Variants in PCDHGB5 observed in about 807,000 individuals in gnomAD.
PCDHGB5 encodes the protein protocadherin gamma subfamily B, 5, also known as protocadherin gamma-B5.
In PCDHGB5, 48 loss-of-function variants were observed where a neutral mutation model predicts 62.9. The ratio of observed to expected loss-of-function variants is 0.76; its 90% confidence interval spans 0.61 to 0.97. The LOEUF (loss-of-function observed/expected upper bound fraction) is 0.97, where lower values mean the gene tolerates loss of function less well. Among genes scored for constraint, PCDHGB5 ranks in the 50% least tolerant of loss-of-function variants. The pLI, the probability that PCDHGB5 is intolerant of heterozygous loss-of-function variation, is 0.00. For synonymous variants in PCDHGB5, 474 were observed against 511.2 expected (o/e 0.93, Z 0.98); for missense variants, 1,118 against 1,198.6 (o/e 0.93, Z 0.99).
intron 1 of PCDHGB5, chr5:141,423,696 T>A: frequency 4.0e-6 from 6 of 1,492,822 alleles, no homozygotes; most frequent in Non-Finnish European, 5.3e-6. Flanking sequence ...ATTGTTGGTG[T>A]CTTGGCACAA....
chr5:141,454,779 A>G (rs1387404898), intron 1 of PCDHGB5, among the ~76,000 whole-genome samples: 2 of 146,092 alleles, frequency 1.4e-5, no homozygotes, highest in African/African-American at 2.6e-5. Context: ...ACAAGGAAAT[A>G]ATCCTCCATG....
At chr5:141,427,426 C>G (rs569185252) in intron 1 of PCDHGB5, 1 of 469,896 alleles carries the variant, frequency 2.1e-6, no homozygotes, top group Admixed American at 2.3e-5. Flanking sequence ...GGGGAGGTTA[C>G]ATGCCTCATA....
chr5:141,419,884 C>A lies in PCDHGB5; in HGVS notation c.2397+19360C>A. 1 of 1,614,088 alleles carries A rather than the reference C, an allele frequency of 6.2e-7. No individual in the cohort carries two copies. The highest frequency in any genetic ancestry group is 8.5e-7 in the Non-Finnish European group (1 of 1,179,896). On this transcript the variant is annotated intron_variant, in intron 1 of 3. Transcript: ENST00000617380. ...GCTTGCAAGAGGTACTGCCGGATTT[C>A]AGCGACCATCCCACACCCTCTGACT... is the stretch of plus-strand genomic sequence containing the variant.
Position 141,489,941 on chromosome 5 carries a change from A to G in PCDHGB5, c.2398-4866A>G. Reference sequence around the variant, plus strand: ...ACCCTTATCTCTGTCATCGTGCTGGACATCAATGATAATGCTCCAACCTTC... The same window carrying G: ...ACCCTTATCTCTGTCATCGTGCTGGGCATCAATGATAATGCTCCAACCTTC... On this transcript the variant is annotated intron_variant, in intron 1 of 3. Transcript: ENST00000617380. The surrounding 1 kb of genome is among the most constrained non-coding windows in gnomAD (Gnocchi z 4.5). 1.2e-6 allele frequency: 2 copies of G among 1,614,228 alleles called. No homozygotes were observed. The highest frequency in any genetic ancestry group is 1.7e-6 in the Non-Finnish European group (2 of 1,180,034).
chr5:141,477,630 T>G lies in PCDHGB5; in HGVS notation c.2398-17177T>G. The G allele has an allele frequency of 6.2e-7, 1 of 1,614,228 alleles. No homozygotes were observed. The highest frequency in any genetic ancestry group is 8.5e-7 in the Non-Finnish European group (1 of 1,180,042). ...TTGGAGCAAGGAGCTGAAACCGGGC[T>G]AGTGGGTCGCTATTTCACAATAAAT... On this transcript the variant is annotated intron_variant, in intron 1 of 3. Coordinates refer to ENST00000617380, the MANE Select transcript of PCDHGB5 (RefSeq NM_018925.3). The surrounding 1 kb of genome is among the most constrained non-coding windows in gnomAD (Gnocchi z 4.9).
chr5:141,408,300 T>C lies in PCDHGB5; in HGVS notation c.2397+7776T>C. On this transcript the variant is annotated intron_variant, in intron 1 of 3. Coordinates refer to ENST00000617380, the MANE Select transcript of PCDHGB5 (RefSeq NM_018925.3). ...TTCTACCCCACCCTGAGTGAGCCGATCCGCTACTCGATTCCGGAGGAGCTG... is the reference window on the plus strand; with the variant it reads ...TTCTACCCCACCCTGAGTGAGCCGACCCGCTACTCGATTCCGGAGGAGCTG... The C allele has an allele frequency of 1.2e-6, 2 of 1,613,732 alleles. No homozygotes were observed. The highest frequency in any genetic ancestry group is 1.7e-6 in the Non-Finnish European group (2 of 1,179,694).
At chr5:141,419,781 G>C (rs1331740421) in intron 1 of PCDHGB5, 1 of 1,614,032 alleles carries the variant, frequency 6.2e-7, no homozygotes. Context: ...GTCCGCCAGC[G>C]CCTGCTAGTC....
chr5:141,510,837 GTCAAGGCCCAGGGTGC>G, intron 3 of PCDHGB5, 94 bp from the exon 4 acceptor site: 1 of 1,586,392 alleles, frequency 6.3e-7, no homozygotes, highest in Non-Finnish European at 8.6e-7. Flanking sequence ...GCTCAGCGTG[GTCAAGGCCCAGGGTGC>G]TGTATAGGCA....
intron 1 of PCDHGB5, chr5:141,410,320 C>A (rs752279818): frequency 6.2e-7 from 1 of 1,613,998 alleles, no homozygotes; most frequent in Non-Finnish European, 8.5e-7. Context: ...TCCTCCTCGC[C>A]GTGATTCTGG....
At position 141,432,643 on chromosome 5, in the gene PCDHGB5, G is replaced by A. The variant is rs2097523971; in HGVS notation, c.2397+32119G>A. 15 of 1,613,754 alleles carry A rather than the reference G, an allele frequency of 9.3e-6. No homozygotes were observed. Among genetic ancestry groups the A allele is most frequent in the East Asian group, 4.5e-5 (2 of 44,860 alleles). ...GTCTGCACACGGGCGAGGTGCGCAC[G>A]GCGCGAGCCCTGCTGGACAGAGACG... On this transcript the variant is annotated intron_variant, in intron 1 of 3. Coordinates refer to ENST00000617380, the MANE Select transcript of PCDHGB5 (RefSeq NM_018925.3). This position sits in a 1 kb window ranked among gnomAD's most constrained non-coding sequence, Gnocchi z 6.0.
chr5:141,421,195 G>C (rs1305388921), intron 1 of PCDHGB5: 2 of 1,504,878 alleles, frequency 1.3e-6, no homozygotes, highest in Non-Finnish European at 1.8e-6. Context: ...CAACCAGCTC[G>C]AGAAACCGCG....
At chr5:141,413,993 G>A (rs756042576) in intron 1 of PCDHGB5, 2 of 1,613,486 alleles carry the variant, frequency 1.2e-6, no homozygotes, top group Non-Finnish European at 1.7e-6. Context: ...GCCACCGACA[G>A]GGACGAAGGT....
rs1589316075 is a variant in PCDHGB5, at chr5:141,398,010, G to GAATTT, written c.-118_-117insAATTT. 8 of 1,407,812 alleles carry GAATTT rather than the reference G, an allele frequency of 5.7e-6. 1 individual carries two copies. The East Asian group carries it at 1.5e-4, about 27-fold the overall frequency. 87.2% of individuals were successfully genotyped at this position (1,407,812 alleles called of 1,614,324 possible). Reference sequence around the variant, plus strand: ...CCGCTTCCTCCTCGGAAAAAGAATCGTTTCCTAAACTGGAACTGGAACTAA... The same window carrying GAATTT: ...CCGCTTCCTCCTCGGAAAAAGAATCGAATTTTTTCCTAAACTGGAACTGGAACTAA... On this transcript the variant is annotated 5_prime_UTR_variant, in exon 1 of 4. Transcript: ENST00000617380.
At chr5:141,451,018 C>T (rs1307161489) in intron 1 of PCDHGB5, among the ~76,000 whole-genome samples, 7 of 151,264 alleles carry the variant, frequency 4.6e-5, no homozygotes, top group African/African-American at 1.5e-4. Flanking sequence ...TTAGTAGAGA[C>T]GAGGTTTCAC....
In PCDHGB5 at chr5:141,485,013, C is replaced by A. The variant is rs551059588; in HGVS notation, c.2398-9794C>A. ...GTGAAAGGCAGACAAATCTACCCCG[C>A]CACCAGCAAAAACGGCGCGTAACCC... On this transcript the variant is annotated intron_variant, in intron 1 of 3. Coordinates refer to ENST00000617380, the MANE Select transcript of PCDHGB5 (RefSeq NM_018925.3). This position sits in a 1 kb window ranked among gnomAD's most constrained non-coding sequence, Gnocchi z 5.7. The A allele has an allele frequency of 6.3e-6, 4 of 634,556 alleles. No homozygotes were observed. Among genetic ancestry groups the A allele is most frequent in the South Asian group, 3.9e-5 (2 of 51,594 alleles). The allele number at this position is 634,556 out of a possible 1,614,324, so 39.3% of individuals were successfully genotyped here. A position where few individuals can be genotyped will look rare whatever the true frequency, so the allele number is the denominator to read the frequency against.
At chr5:141,438,366 G>A (rs749623408) in intron 1 of PCDHGB5, among the ~76,000 whole-genome samples, 6 of 151,462 alleles carry the variant, frequency 4.0e-5, no homozygotes, top group Non-Finnish European at 7.4e-5. Context: ...TTGTCATTGA[G>A]GGCAGATATA....
chr5:141,421,051 A>G (rs1330155141), intron 1 of PCDHGB5: 8 of 559,830 alleles, frequency 1.4e-5, no homozygotes, highest in South Asian at 2.6e-5. Flanking sequence ...CCCCGCCTCT[A>G]CCACACAAAG....
rs763077513 is a variant in PCDHGB5 at position 141,398,174 on chromosome 5, T to C, written c.47T>C (p.Val16Ala). 1.1e-5 allele frequency: 16 copies of C among 1,476,290 alleles called. No individual in the cohort carries two copies. Among genetic ancestry groups the C allele is most frequent in the African/African-American group, 1.4e-5 (1 of 70,284 alleles). The allele number at this position is 1,476,290 out of a possible 1,614,324, so 91.4% of individuals were successfully genotyped here. A position where few individuals can be genotyped will look rare whatever the true frequency, so the allele number is the denominator to read the frequency against. The change falls in exon 1 of 4, where the codon GTG becomes GCG. Residue 16 changes from valine (V) to alanine (A), a missense_variant. By Grantham distance (64) the Val-to-Ala change is moderately conservative. Coordinates refer to ENST00000617380, the MANE Select transcript of PCDHGB5 (RefSeq NM_018925.3). ...GELGRAERLPVLFLFLLSLFC... is the reference protein window; with the variant it reads ...GELGRAERLPALFLFLLSLFC... Reference sequence around the variant, plus strand: ...CTGGGCCGGGCTGAGAGGCTGCCAGTGCTCTTTCTCTTCCTGCTGTCTTTG... The same window carrying C: ...CTGGGCCGGGCTGAGAGGCTGCCAGCGCTCTTTCTCTTCCTGCTGTCTTTG...
intron 1 of PCDHGB5, among the ~76,000 whole-genome samples, chr5:141,468,759 G>A (rs1202810666): frequency 3.9e-5 from 6 of 151,990 alleles, no homozygotes; most frequent in Admixed American, 2.0e-4. Context: ...CCAGCTACTC[G>A]GGAGGCTGAG....
Sources: allele counts gnomAD v4.1 joint callset (sites outside exome capture counted in the v4.1 genomes callset), GRCh38; gene constraint gnomAD v4.1.1; non-coding constraint Gnocchi (gnomAD v3.1); transcripts MANE v1.5; gene names NCBI Gene and HGNC (gene_info 2026-07-23, HGNC 2026-07-21).